TPD52: variants seen among roughly 807,000 people sequenced by gnomAD.
The protein encoded by TPD52 is tumor protein D52, also known as prostate and colon associated protein.
A neutral mutation model predicts 31.3 loss-of-function variants in TPD52; 17 were observed. The ratio of observed to expected loss-of-function variants is 0.54; its 90% CI spans 0.37 to 0.82. TPD52 has a LOEUF of 0.82. Ranked by LOEUF, TPD52 falls within the 40% of genes least tolerant of loss-of-function variation. The probability of loss-of-function intolerance (pLI) is 0.00; values close to 1 mark genes in which losing one functional copy is unlikely to be tolerated. For synonymous variants in TPD52, 83 were observed against 89.6 expected, an observed-to-expected ratio of 0.93 and a Z score of 0.42; for missense variants, 212 against 240.1, an observed-to-expected ratio of 0.88 and a Z score of 0.77.
chr8:80,168,492 C>A (rs926282274), intron 1 of TPD52, among the ~76,000 whole-genome samples: 23 of 152,208 alleles, frequency 1.5e-4, no homozygotes, highest in African/African-American at 5.5e-4. Context: ...AAATTTTCTG[C>A]TTTGGTTTTA....
At chr8:80,061,582 G>A (rs1812559937) in intron 2 of TPD52, among the ~76,000 whole-genome samples, 1 of 152,068 alleles carries the variant, frequency 6.6e-6, no homozygotes, top group Non-Finnish European at 1.5e-5. Context: ...CTACTCAGGA[G>A]GCTGAGGCAG....
intron 1 of TPD52, among the ~76,000 whole-genome samples, chr8:80,135,215 T>C (rs1047492772): frequency 6.6e-5 from 10 of 152,248 alleles, no homozygotes; most frequent in African/African-American, 1.7e-4. Flanking sequence ...CAGAATTGAA[T>C]AGCTAACAAG....
rs1563557956 is a variant in TPD52, at chr8:80,040,184, C to CTTTT, written c.505-1950_505-1949insAAAA. Among the ~76,000 whole-genome samples the CTTTT allele has an allele frequency of 2.3e-4, 30 of 132,394 alleles. 1 individual carries two copies. Among genetic ancestry groups the CTTTT allele is most frequent in the African/African-American group, 9.3e-4 (30 of 32,402 alleles). The allele number at this position is 132,394 out of a possible 152,430, so 86.9% of individuals were successfully genotyped here. A position where few individuals can be genotyped will look rare whatever the true frequency, so the allele number is the denominator to read the frequency against. ...TTGGGGTATCTGTTTAATACGCTATCCTTTTTTTTTTTTTTTTTTTTTTTT... is the reference window on the plus strand; with the variant it reads ...TTGGGGTATCTGTTTAATACGCTATCTTTTCTTTTTTTTTTTTTTTTTTTTTTTT... On this transcript the variant is annotated intron_variant, in intron 7 of 7. Transcript: ENST00000518937.
At chr8:80,170,555 G>A (rs1812011167) in intron 1 of TPD52, among the ~76,000 whole-genome samples, 1 of 152,100 alleles carries the variant, frequency 6.6e-6, no homozygotes, top group African/African-American at 2.4e-5. Context: ...CTTGTGTCAG[G>A]GCTCAAAACA....
At chr8:80,088,237 CCTGGTGATGGGAGGCTG>C (rs1815970819) in intron 1 of TPD52, among the ~76,000 whole-genome samples, 1 of 152,204 alleles carries the variant, frequency 6.6e-6, no homozygotes, top group Non-Finnish European at 1.5e-5. Context: ...GAGTCTGCAT[CCTGGTGATGGGAGGCTG>C]CTGGCCCTGG....
At chr8:80,083,146 G>A (rs1021236488) in intron 1 of TPD52, among the ~76,000 whole-genome samples, 1 of 152,024 alleles carries the variant, frequency 6.6e-6, no homozygotes, top group African/African-American at 2.4e-5. Flanking sequence ...GTAGCTTGGG[G>A]GCAGACCATT....
At chr8:80,053,241 C>T in intron 3 of TPD52, 41 bp downstream of exon 3, 1 of 1,604,838 alleles carries the variant, frequency 6.2e-7, no homozygotes, top group Admixed American at 1.7e-5. Flanking sequence ...CAACAGTGTC[C>T]TTTACACTCC....
intron 1 of TPD52, among the ~76,000 whole-genome samples, chr8:80,143,326 T>C (rs529190041): frequency 6.6e-6 from 1 of 152,286 alleles, no homozygotes; most frequent in East Asian, 1.9e-4. Context: ...CAAAGTCAAG[T>C]CATCTTTATT....
chr8:80,068,706 G>A (rs1021692464), intron 1 of TPD52, among the ~76,000 whole-genome samples: 6 of 152,176 alleles, frequency 3.9e-5, no homozygotes, highest in Admixed American at 2.6e-4. Flanking sequence ...CCCTGGGAAG[G>A]GTCTGGAGTC....
chr8:80,146,644 T>C (rs1357409144), intron 1 of TPD52, among the ~76,000 whole-genome samples: 2 of 152,206 alleles, frequency 1.3e-5, no homozygotes, highest in Non-Finnish European at 2.9e-5. Context: ...AAAGGAGGAA[T>C]AAACAAAGAT....
At chr8:80,125,308 CT>C (rs1808526995) in intron 1 of TPD52, among the ~76,000 whole-genome samples, 1 of 152,244 alleles carries the variant, frequency 6.6e-6, no homozygotes. Context: ...ACGAGACCCC[CT>C]CTCTACAAAA....
chr8:80,170,211 T>TG (rs879023257), intron 1 of TPD52, among the ~76,000 whole-genome samples: 1 of 152,006 alleles, frequency 6.6e-6, no homozygotes, highest in East Asian at 1.9e-4. Flanking sequence ...GGTCAGGACT[T>TG]GGAGACCAGC....
rs117988031 is a variant in TPD52, at chr8:80,144,948, T to C, written c.19+26477A>G. Among the ~76,000 whole-genome samples, 532 of 152,214 alleles carry C rather than the reference T, an allele frequency of 3.5e-3. 15 individuals are homozygous for C. In the East Asian group the frequency reaches 0.073, roughly 21 times the overall value. On this transcript the variant is annotated intron_variant, in intron 1 of 7. Transcript: ENST00000518937. Reference sequence around the variant, plus strand: ...AGCCTAATAAGCCCTTATATCCTGGTTGTGTGGAAAGGATTAAGATTATAA... The same window carrying C: ...AGCCTAATAAGCCCTTATATCCTGGCTGTGTGGAAAGGATTAAGATTATAA...
intron 1 of TPD52, among the ~76,000 whole-genome samples, chr8:80,159,199 G>T (rs1275092487): frequency 2.0e-5 from 3 of 152,130 alleles, no homozygotes; most frequent in African/African-American, 2.4e-5. Context: ...ATGCATATGT[G>T]AGATATCAGC....
intron 1 of TPD52, among the ~76,000 whole-genome samples, chr8:80,146,362 C>T (rs960339697): frequency 6.6e-6 from 1 of 152,176 alleles, no homozygotes; most frequent in East Asian, 1.9e-4. Context: ...AGTTAGTCTA[C>T]AAAAAGACTT....
At chr8:80,058,008 A>C (rs961892716) in intron 2 of TPD52, among the ~76,000 whole-genome samples, 4 of 152,314 alleles carry the variant, frequency 2.6e-5, no homozygotes, top group Admixed American at 1.3e-4. Flanking sequence ...TAATGAAATA[A>C]TGCATGTAAA....
rs3053828 is a variant in TPD52, at chr8:80,128,494, C to CAAAAAAAAAAAAAAAA, written c.19+42915_19+42930dup. Among the ~76,000 whole-genome samples, 3 of 83,128 alleles carry CAAAAAAAAAAAAAAAA rather than the reference C, an allele frequency of 3.6e-5. 1 individual carries two copies. The highest frequency in any genetic ancestry group is 4.4e-5 in the Non-Finnish European group (2 of 45,900). The allele number at this position is 83,128 out of a possible 152,430, so 54.5% of individuals were successfully genotyped here. ...GCAACACAAGGAGACCCTGTCTCTA[C>CAAAAAAAAAAAAAAAA]AAAAAAAAAAAAAAAAAATGCTGGG... On this transcript the variant is annotated intron_variant, in intron 1 of 7. Coordinates refer to ENST00000518937, the MANE Select transcript of TPD52 (RefSeq NM_001025253.3).
chr8:80,035,395 T>C lies in TPD52; in HGVS notation c.*2721A>G, dbSNP rs181509980. The C allele has an allele frequency of 6.6e-6, 1 of 152,334 alleles. No individual in the cohort carries two copies. The highest frequency in any genetic ancestry group is 1.9e-4 in the East Asian group (1 of 5,192). 9.4% of individuals were successfully genotyped at this position (152,334 alleles called of 1,614,324 possible). On this transcript the variant is annotated 3_prime_UTR_variant, in exon 8 of 8. Coordinates refer to ENST00000518937, the MANE Select transcript of TPD52 (RefSeq NM_001025253.3). ...TAAATGCCTTCTGATAGGCAGAATG[T>C]AGCTGCTCATGGCTCTTTAAGTATC...
At chr8:80,086,417 G>A (rs565872204) in intron 1 of TPD52, among the ~76,000 whole-genome samples, 2 of 151,788 alleles carry the variant, frequency 1.3e-5, no homozygotes, top group South Asian at 2.1e-4. Context: ...GAGCCTGACC[G>A]GAAGGTTCTA....
Sources: gnomAD v4.1 joint callset for allele counts (sites outside exome capture counted in the v4.1 genomes callset) on GRCh38, gnomAD v4.1.1 for gene constraint, MANE v1.5 for transcripts, NCBI Gene and HGNC (gene_info 2026-07-23, HGNC 2026-07-21) for gene names.